Variants in ITGAE observed in about 807,000 individuals in gnomAD.
The protein encoded by ITGAE is integrin alpha-E.
A neutral mutation model predicts 136.5 loss-of-function variants in ITGAE; 99 were observed. The ratio of observed to expected loss-of-function variants is 0.73; its 90% CI spans 0.62 to 0.86. The LOEUF is 0.86. ITGAE is among the 40% of genes least tolerant of loss of function. The pLI is 0.00. For synonymous variants in ITGAE, 613 were observed against 591.8 expected (o/e 1.04, Z -0.52); for missense variants, 1,447 against 1,515.3 (o/e 0.95, Z 0.75).
At chr17:3,755,620 C>T (rs220477) in intron 11 of ITGAE, among the ~76,000 whole-genome samples, 124,184 of 152,212 alleles carry the variant, frequency 0.82, 51,918 homozygotes, top group African/African-American at 0.96. Flanking sequence ...TGAGCCGAGA[C>T]TGCACCGCTG....
Position 3,751,877 on chromosome 17 carries a change from G to A in ITGAE, c.1669-3C>T. 6.2e-7 allele frequency: 1 copy of A among 1,612,730 alleles called. No individual in the cohort carries two copies. Among genetic ancestry groups the A allele is most frequent in the African/African-American group, 1.3e-5 (1 of 74,994 alleles). On this transcript the variant is annotated splice_polypyrimidine_tract_variant and splice_region_variant and intron_variant, in intron 14 of 30. Coordinates refer to ENST00000263087, the MANE Select transcript of ITGAE (RefSeq NM_002208.5). ...CGTGCCAAGGAGAAAGAACCATCCTGTAAAGCAAACAAACAGCTCAGCCCT... is the reference window on the plus strand; with the variant it reads ...CGTGCCAAGGAGAAAGAACCATCCTATAAAGCAAACAAACAGCTCAGCCCT...
intron 2 of ITGAE, 151 bp from the exon 3 acceptor site, chr17:3,764,111 A>C (rs2052237756): frequency 1.6e-6 from 1 of 618,888 alleles, no homozygotes; most frequent in Non-Finnish European, 2.9e-6. Context: ...ATTATGGGGA[A>C]GACATTTGCC....
Position 3,753,885 on chromosome 17 carries a change from G to A in ITGAE, c.1425C>T (p.Ser475=). The change falls in exon 13 of 31, where the codon TCC becomes TCT. Residue 475 remains serine, a synonymous_variant. Transcript: ENST00000263087. ...TGTACCGTGGAGCCCCCGCGATGTA[G>A]GAGAGGCTGCAGGTCTTGTGCAGCA... ...VAVLHKTCSL[S]YIAGAPRYKH... 1 of 1,614,154 alleles carries A rather than the reference G, an allele frequency of 6.2e-7. No homozygotes were observed. Among genetic ancestry groups the A allele is most frequent in the Admixed American group, 1.7e-5 (1 of 60,020 alleles).
rs758888110 is a variant in ITGAE at position 3,753,439 on chromosome 17, C to T, written c.1528-9G>A. On this transcript the variant is annotated splice_polypyrimidine_tract_variant and intron_variant, in intron 13 of 30. Transcript: ENST00000263087. ...CCAAAATAGGACCCCATCTACAGCC[C>T]GGGAGGAACTCAGCTCACCAGGAGC... 30 of 1,612,030 alleles carry T rather than the reference C, an allele frequency of 1.9e-5. No individual in the cohort carries two copies. Among genetic ancestry groups the T allele is most frequent in the African/African-American group, 2.7e-5 (2 of 75,002 alleles).
chr17:3,751,096 G>T (rs1339643495), intron 15 of ITGAE, among the ~76,000 whole-genome samples: 3 of 152,028 alleles, frequency 2.0e-5, no homozygotes, highest in African/African-American at 7.3e-5. Context: ...TGTGGAGGGG[G>T]ATGAGGTCTC....
At chr17:3,724,626 A>C (rs776983219) in intron 26 of ITGAE, 16 of 1,614,090 alleles carry the variant, frequency 9.9e-6, no homozygotes, top group Non-Finnish European at 1.4e-5. Flanking sequence ...AGCCAAGGAC[A>C]CCAGGATGGT....
intron 2 of ITGAE, among the ~76,000 whole-genome samples, chr17:3,776,960 G>T (rs1335388932): frequency 1.4e-5 from 2 of 145,242 alleles, no homozygotes; most frequent in Admixed American, 6.8e-5. Context: ...TTTTAAAATT[G>T]TCTTTTTTTT....
intron 23 of ITGAE, among the ~76,000 whole-genome samples, chr17:3,730,720 T>C (rs1033979166): frequency 2.6e-5 from 4 of 152,008 alleles, no homozygotes; most frequent in African/African-American, 9.7e-5. Context: ...AGGCACAGCC[T>C]CTGGTGGGCA....
rs538803347 is a variant in ITGAE, at chr17:3,777,890, G to C, written c.35-230C>G. Among the ~76,000 whole-genome samples the C allele has an allele frequency of 1.8e-3, 281 of 151,948 alleles. 4 individuals are homozygous for C. Among genetic ancestry groups the C allele is most frequent in the African/African-American group, 6.3e-3 (262 of 41,442 alleles). On this transcript the variant is annotated intron_variant, in intron 1 of 30. Transcript: ENST00000263087. ...TACCCGAGCCCCCCTCCTCCAAGAA[G>C]CCGCCCCTAGCTCTCCCCAAAGAAG...
chr17:3,772,391 A>G (rs933606879), intron 2 of ITGAE, among the ~76,000 whole-genome samples: 3 of 150,420 alleles, frequency 2.0e-5, no homozygotes, highest in Non-Finnish European at 3.0e-5. Flanking sequence ...TGCTCCATCC[A>G]TACTTGCTGA....
intron 11 of ITGAE, among the ~76,000 whole-genome samples, chr17:3,755,488 G>A (rs1004307699): frequency 8.5e-5 from 13 of 152,246 alleles, no homozygotes; most frequent in African/African-American, 2.9e-4. Flanking sequence ...AAGCAGCTTG[G>A]TTGATAAGCT....
rs753802296 is a variant in ITGAE at position 3,761,472 on chromosome 17, G to A, written c.364C>T (p.Leu122Phe). The part of the protein sequence containing the change: ...VRRPHSLSSE[L>F]TGTCSLLGPD... Reference sequence around the variant, plus strand: ...CCCAGGAGGCTACAGGTGCCTGTGAGTTCTGAGCTGAGGCTGTGAGGCCGC... The same window carrying A: ...CCCAGGAGGCTACAGGTGCCTGTGAATTCTGAGCTGAGGCTGTGAGGCCGC... The change falls in exon 5 of 31, where the codon CTC becomes TTC. Residue 122 changes from leucine to phenylalanine, a missense_variant. By Grantham distance (22) the Leu-to-Phe change is conservative. Transcript: ENST00000263087. 1.7e-5 allele frequency: 27 copies of A among 1,613,978 alleles called. No individual in the cohort carries two copies. The highest frequency in any genetic ancestry group is 2.2e-5 in the Non-Finnish European group (26 of 1,180,030).
intron 19 of ITGAE, among the ~76,000 whole-genome samples, chr17:3,740,400 G>A (rs1461466385): frequency 6.6e-6 from 1 of 152,110 alleles, no homozygotes; most frequent in East Asian, 1.9e-4. Flanking sequence ...GTTTTCAGAT[G>A]GAGTCTCGCT....
chr17:3,776,354 G>A lies in ITGAE; in HGVS notation c.155+1186C>T, dbSNP rs114950415. ...ATTACAGGCGTGAGCCACCGCGCCC[G>A]GCAGAACCTGTGCTAAGCCCTTTAC... is the stretch of plus-strand genomic sequence containing the variant. On this transcript the variant is annotated intron_variant, in intron 2 of 30. Coordinates refer to ENST00000263087, the MANE Select transcript of ITGAE (RefSeq NM_002208.5). 3.6e-3 allele frequency among the ~76,000 whole-genome samples: 553 copies of A among 152,208 alleles called. 5 individuals are homozygous for A. The highest frequency in any genetic ancestry group is 0.012 in the African/African-American group (519 of 41,528).
intron 1 of ITGAE, among the ~76,000 whole-genome samples, chr17:3,797,213 T>G (rs1367066757): frequency 7.7e-5 from 11 of 142,514 alleles, no homozygotes; most frequent in Non-Finnish European, 1.2e-4. Context: ...TCGCCCAGGC[T>G]GGAGTGCAGT....
chr17:3,751,566 T>C, intron 15 of ITGAE, 84 bp downstream of exon 15: 1 of 1,310,658 alleles, frequency 7.6e-7, no homozygotes, highest in Non-Finnish European at 1.1e-6. Flanking sequence ...CACTTAGGAC[T>C]GAAGCCGACT....
intron 18 of ITGAE, among the ~76,000 whole-genome samples, 176 bp downstream of exon 18, chr17:3,745,588 C>A (rs1330783409): frequency 1.3e-5 from 2 of 152,202 alleles, no homozygotes; most frequent in African/African-American, 4.8e-5. Context: ...GTGATCCCCC[C>A]GCCTTGGCCT....
At position 3,723,319 on chromosome 17, in the gene ITGAE, G is replaced by A; in HGVS notation, c.3206C>T (p.Ala1069Val). 1 of 1,613,504 alleles carries A rather than the reference G, an allele frequency of 6.2e-7. No individual in the cohort carries two copies. Among genetic ancestry groups the A allele is most frequent in the East Asian group, 2.2e-5 (1 of 44,878 alleles). ...IASDKENVTV[A>V]AEISWDHSEE... Reference sequence around the variant, plus strand: ...AGAGTGATCCCAGGAGATCTCTGCAGCCACGGTGACATTTTCTTTATCTGA... The same window carrying A: ...AGAGTGATCCCAGGAGATCTCTGCAACCACGGTGACATTTTCTTTATCTGA... The change falls in exon 28 of 31, where the codon GCT becomes GTT. Residue 1069 changes from alanine to valine, a missense_variant. Ala to Val is a moderately conservative substitution (Grantham distance 64). This residue lies in a region of ITGAE where 1,031 missense variants were observed against 1,011.4 expected (regional missense o/e 1.02). Coordinates refer to ENST00000263087, the MANE Select transcript of ITGAE (RefSeq NM_002208.5).
chr17:3,775,335 C>T (rs1389001997), intron 2 of ITGAE, among the ~76,000 whole-genome samples: 5 of 152,198 alleles, frequency 3.3e-5, no homozygotes, highest in East Asian at 1.9e-4. Flanking sequence ...ATTGCACTGG[C>T]TTCATTCAGG....
Sources: allele counts gnomAD v4.1 joint callset (sites outside exome capture counted in the v4.1 genomes callset), GRCh38; gene constraint gnomAD v4.1.1; regional missense constraint gnomAD v4.1.1; transcripts MANE v1.5; gene names NCBI Gene and HGNC (gene_info 2026-07-23, HGNC 2026-07-21).